UBE2Q2: variants seen among roughly 807,000 people sequenced by gnomAD.
The protein encoded by UBE2Q2 is ubiquitin conjugating enzyme E2 Q2, also known as ubiquitin-conjugating enzyme E2 Q2.
In UBE2Q2, 54 loss-of-function variants were observed where a neutral mutation model predicts 59.9. The ratio of observed to expected loss-of-function variants is 0.90; its 90% CI spans 0.72 to 1.13. The LOEUF (loss-of-function observed/expected upper bound fraction) is 1.13. Among genes scored for constraint, UBE2Q2 ranks in the 50% most tolerant of loss-of-function variants. The pLI, the probability that UBE2Q2 is intolerant of heterozygous loss-of-function variation, is 0.00. For synonymous variants in UBE2Q2, 165 were observed against 155.2 expected, an observed-to-expected ratio of 1.06 and a Z score of -0.47; for missense variants, 433 against 441.9, an observed-to-expected ratio of 0.98 and a Z score of 0.18.
rs560800883 is a variant in UBE2Q2, at chr15:75,887,469, A to G, written c.885-2966A>G. On this transcript the variant is annotated intron_variant, in intron 9 of 12. Transcript: ENST00000267938. Reference sequence around the variant, plus strand: ...AGAGTATACCAGACCAGTTTGAGCTATAACACAAGGAGGGTAGGACTCATG... The same window carrying G: ...AGAGTATACCAGACCAGTTTGAGCTGTAACACAAGGAGGGTAGGACTCATG... Among the ~76,000 whole-genome samples, 7 of 152,332 alleles carry G rather than the reference A, an allele frequency of 4.6e-5. No homozygotes were observed. The South Asian group carries it at 6.2e-4, about 14-fold the overall frequency.
chr15:75,846,326 C>G lies in UBE2Q2; in HGVS notation c.180+2480C>G, dbSNP rs527438252. 2.6e-5 allele frequency among the ~76,000 whole-genome samples: 4 copies of G among 152,168 alleles called. No individual in the cohort carries two copies. The East Asian group carries it at 7.7e-4, about 29-fold the overall frequency. ...GACCTGGGCCCACTGCAACCTCCGC[C>G]TCCCAGGTTCAAGCAATTCTGCTGC... is the stretch of plus-strand genomic sequence containing the variant. On this transcript the variant is annotated intron_variant, in intron 1 of 12. Transcript: ENST00000267938.
chr15:75,882,962 G>A (rs1156773456), intron 8 of UBE2Q2, among the ~76,000 whole-genome samples: 1 of 152,014 alleles, frequency 6.6e-6, no homozygotes, highest in Non-Finnish European at 1.5e-5. Context: ...TCTGTAATTG[G>A]AAGAAAACCT....
chr15:75,854,128 TC>T (rs1303236212), intron 1 of UBE2Q2, among the ~76,000 whole-genome samples: 2 of 152,148 alleles, frequency 1.3e-5, no homozygotes, highest in Non-Finnish European at 2.9e-5. Flanking sequence ...GTGATGGTGA[TC>T]GGGGCCATTT....
chr15:75,843,791 A>T lies in UBE2Q2; in HGVS notation c.125A>T (p.Gln42Leu). ...CTGCACTGCCAGTTCCTGGTGCCGC[A>T]GCAGGGCAGCCCGCACTCGCTGCCG... Reference protein sequence around the residue: ...DELHCQFLVPQQGSPHSLPPP... With the variant: ...DELHCQFLVPLQGSPHSLPPP... The change falls in exon 1 of 13, where the codon CAG (glutamine) becomes CTG (leucine). Residue 42 changes from glutamine (Q) to leucine (L), a missense_variant. Coordinates refer to ENST00000267938, the MANE Select transcript of UBE2Q2 (RefSeq NM_173469.4). 6.2e-7 allele frequency: 1 copy of T among 1,607,932 alleles called. No individual in the cohort carries two copies. Among genetic ancestry groups the T allele is most frequent in the South Asian group, 1.1e-5 (1 of 90,310 alleles).
At chr15:75,844,316 C>T in intron 1 of UBE2Q2, 2 of 1,548,876 alleles carry the variant, frequency 1.3e-6, no homozygotes, top group Non-Finnish European at 1.7e-6. Flanking sequence ...CTTGTTCAGC[C>T]AATTGTTTTT....
Position 75,890,460 on chromosome 15 carries a change from T to G in UBE2Q2, c.910T>G (p.Cys304Gly), listed in dbSNP as rs148920865. The change falls in exon 10 of 13, where the codon TGT becomes GGT. Residue 304 changes from cysteine (C) to glycine (G), a missense_variant. Coordinates refer to ENST00000267938, the MANE Select transcript of UBE2Q2 (RefSeq NM_173469.4). ...GGYVLGGGAL[C>G]MELLTKQGWS... ...GTATGTATTGGGTGGAGGAGCATTA[T>G]GTATGGAACTTCTCACAAAACAGGT... 6 of 1,608,164 alleles carry G rather than the reference T, an allele frequency of 3.7e-6. No homozygotes were observed. In the African/African-American group the frequency reaches 8.0e-5, roughly 22 times the overall value.
intron 12 of UBE2Q2, among the ~76,000 whole-genome samples, chr15:75,898,690 G>C (rs1206564293): frequency 6.6e-6 from 1 of 152,178 alleles, no homozygotes; most frequent in Non-Finnish European, 1.5e-5. Flanking sequence ...GTGAAATGAC[G>C]TTATGGCTCC....
chr15:75,890,454 G>A lies in UBE2Q2; in HGVS notation c.904G>A (p.Ala302Thr). The change falls in exon 10 of 13, where the codon GCA (alanine) becomes ACA (threonine). Residue 302 changes from alanine to threonine, a missense_variant. Ala to Thr is a moderately conservative substitution (Grantham distance 58). Coordinates refer to ENST00000267938, the MANE Select transcript of UBE2Q2 (RefSeq NM_173469.4). Reference sequence around the variant, plus strand: ...TTTAAGGTATGTATTGGGTGGAGGAGCATTATGTATGGAACTTCTCACAAA... The same window carrying A: ...TTTAAGGTATGTATTGGGTGGAGGAACATTATGTATGGAACTTCTCACAAA... ...LSGGYVLGGGALCMELLTKQG... is the reference protein window; with the variant it reads ...LSGGYVLGGGTLCMELLTKQG... 6.2e-7 allele frequency: 1 copy of A among 1,606,976 alleles called. No individual in the cohort carries two copies. Among genetic ancestry groups the A allele is most frequent in the Non-Finnish European group, 8.5e-7 (1 of 1,178,472 alleles).
In UBE2Q2 at chr15:75,844,256, G is replaced by A. The variant is rs992746085; in HGVS notation, c.180+410G>A. 13 of 1,515,378 alleles carry A rather than the reference G, an allele frequency of 8.6e-6. No homozygotes were observed. The Admixed American group carries it at 1.4e-4, about 16-fold the overall frequency. The allele number at this position is 1,515,378 out of a possible 1,614,324, so 93.9% of individuals were successfully genotyped here. A position where few individuals can be genotyped will look rare whatever the true frequency, so the allele number is the denominator to read the frequency against. ...TGAGCCCAGGCCGGCAAGGGGAACG[G>A]CCCTTAAGTTTTAACGCCTCATTTT... On this transcript the variant is annotated intron_variant, in intron 1 of 12. Transcript: ENST00000267938.
intron 2 of UBE2Q2, among the ~76,000 whole-genome samples, chr15:75,856,745 A>C (rs550132848): frequency 6.6e-6 from 1 of 152,154 alleles, no homozygotes; most frequent in Non-Finnish European, 1.5e-5. Flanking sequence ...GGAGTTCAAG[A>C]CCAGCCTGGC....
At chr15:75,877,028 C>T (rs977730076) in intron 6 of UBE2Q2, among the ~76,000 whole-genome samples, 20 of 151,998 alleles carry the variant, frequency 1.3e-4, no homozygotes, top group African/African-American at 3.1e-4. Context: ...GGTGTGGTGG[C>T]GCACGCCTGG....
chr15:75,884,918 G>A (rs536210033), intron 9 of UBE2Q2, among the ~76,000 whole-genome samples: 40 of 152,222 alleles, frequency 2.6e-4, no homozygotes, highest in African/African-American at 9.1e-4. Context: ...GCAAAGTACT[G>A]GGATTACAAG....
At chr15:75,850,020 GA>G (rs1448354720) in intron 1 of UBE2Q2, among the ~76,000 whole-genome samples, 2 of 152,154 alleles carry the variant, frequency 1.3e-5, no homozygotes, top group Admixed American at 1.3e-4. Context: ...TAAAGCATGT[GA>G]AAGATTGAAA....
intron 5 of UBE2Q2, among the ~76,000 whole-genome samples, chr15:75,873,820 C>G (rs888605465): frequency 3.9e-5 from 6 of 152,234 alleles, no homozygotes; most frequent in Middle Eastern, 3.4e-3. Context: ...CTCAGCCTCC[C>G]AAGTAGCTTG....
At position 75,881,691 on chromosome 15, in the gene UBE2Q2, C is replaced by T. The variant is rs188482488; in HGVS notation, c.826-1675C>T. 1.7e-3 allele frequency among the ~76,000 whole-genome samples: 266 copies of T among 152,210 alleles called. 4 individuals are homozygous for T. Among genetic ancestry groups the T allele is most frequent in the African/African-American group, 5.8e-3 (241 of 41,516 alleles). On this transcript the variant is annotated intron_variant, in intron 8 of 12. Transcript: ENST00000267938. ...ATATATTTATGGCCTCTGATGTCCA[C>T]GGTGACAACTTGAATAATAAGAAAA...
chr15:75,882,202 A>G (rs866596664), intron 8 of UBE2Q2, among the ~76,000 whole-genome samples: 1 of 152,322 alleles, frequency 6.6e-6, no homozygotes, highest in Middle Eastern at 3.4e-3. Flanking sequence ...CTCTTCCTTA[A>G]TAACTTAGAT....
Position 75,890,445 on chromosome 15 carries a change from G to T in UBE2Q2, c.895G>T (p.Gly299Cys). The stretch of plus-strand genomic sequence containing the variant: ...TTTTTTCTTTTTAAGGTATGTATTG[G>T]GTGGAGGAGCATTATGTATGGAACT... ...LPVLSGGYVLGGGALCMELLT... is the reference protein window; with the variant it reads ...LPVLSGGYVLCGGALCMELLT... Residue 299 changes from glycine (G) to cysteine (C), a missense_variant, in exon 10 of 13, where the codon GGT becomes TGT. Gly to Cys is a radical substitution (Grantham distance 159). Transcript: ENST00000267938. 6.2e-7 allele frequency: 1 copy of T among 1,605,198 alleles called. No homozygotes were observed.
At chr15:75,864,397 G>A (rs1479888874) in intron 3 of UBE2Q2, among the ~76,000 whole-genome samples, 4 of 151,980 alleles carry the variant, frequency 2.6e-5, no homozygotes, top group Non-Finnish European at 5.9e-5. Flanking sequence ...CATTTCTTAG[G>A]TAGAGGGGAT....
At chr15:75,886,374 C>T (rs1898769220) in intron 9 of UBE2Q2, among the ~76,000 whole-genome samples, 1 of 152,056 alleles carries the variant, frequency 6.6e-6, no homozygotes, top group African/African-American at 2.4e-5. Context: ...CCCACCTGGG[C>T]CTCCCAAAGT....
Sources: allele counts gnomAD v4.1 joint callset (sites outside exome capture counted in the v4.1 genomes callset), GRCh38; gene constraint gnomAD v4.1.1; transcripts MANE v1.5; gene names NCBI Gene and HGNC (gene_info 2026-07-23, HGNC 2026-07-21).